PTGER3: variants seen among roughly 807,000 people sequenced by gnomAD.
The protein encoded by PTGER3 is prostaglandin E2 receptor EP3 subtype.
In PTGER3, 22 loss-of-function variants were observed where a neutral mutation model predicts 34.7. The ratio of observed to expected loss-of-function variants is 0.63; its 90% CI spans 0.45 to 0.91. The LOEUF (loss-of-function observed/expected upper bound fraction) is 0.91. Among genes scored for constraint, PTGER3 ranks in the 40% least tolerant of loss-of-function variants. The probability of loss-of-function intolerance (pLI) is 0.00; values close to 1 mark genes in which losing one functional copy is unlikely to be tolerated. For synonymous variants in PTGER3, 241 were observed against 230.1 expected (o/e 1.05, Z -0.43); for missense variants, 468 against 519.4 (o/e 0.90, Z 0.96).
intron 4 of PTGER3, among the ~76,000 whole-genome samples, chr1:70,914,672 A>AGATACC (rs780263382): frequency 2.8e-4 from 43 of 151,968 alleles, no homozygotes; most frequent in Non-Finnish European, 4.9e-4. Flanking sequence ...CTGAGGTGCA[A>AGATACC]TACCTAGAGA....
intron 4 of PTGER3, among the ~76,000 whole-genome samples, chr1:70,934,051 A>G (rs897902918): frequency 4.6e-5 from 7 of 152,162 alleles, no homozygotes; most frequent in African/African-American, 1.7e-4. Flanking sequence ...TCTCACAATT[A>G]TAATAACAGC....
At chr1:70,881,316 A>G (rs917801379) in intron 4 of PTGER3, among the ~76,000 whole-genome samples, 8 of 151,928 alleles carry the variant, frequency 5.3e-5, no homozygotes, top group African/African-American at 1.9e-4. Flanking sequence ...GTATTGTTTT[A>G]TTACATTCTT....
rs531525509 is a variant in PTGER3 at position 71,039,554 on chromosome 1, G to A, written c.897+7127C>T. On this transcript the variant is annotated intron_variant, in intron 1 of 3. Coordinates refer to ENST00000306666, the MANE Select transcript of PTGER3 (RefSeq NM_198719.2). ...AGTCCCAGCTACTCGGGAGGCTGAG[G>A]CAGGAGAATGGCATGAACCCGGGAG... 6.5e-3 allele frequency among the ~76,000 whole-genome samples: 976 copies of A among 149,932 alleles called. 5 individuals are homozygous for A. Among genetic ancestry groups the A allele is most frequent in the South Asian group, 0.012 (59 of 4,754 alleles).
At chr1:70,931,774 C>A (rs931186116) in intron 4 of PTGER3, among the ~76,000 whole-genome samples, 2 of 152,126 alleles carry the variant, frequency 1.3e-5, no homozygotes, top group African/African-American at 4.8e-5. Flanking sequence ...ACTGTTTTTT[C>A]CTCCTAGGCT....
intron 2 of PTGER3, among the ~76,000 whole-genome samples, chr1:70,977,400 T>C (rs3819788): frequency 0.61 from 92,691 of 151,394 alleles, 28,566 homozygotes; most frequent in Middle Eastern, 0.65. Flanking sequence ...CCTTCCAGAA[T>C]GACCCAGCTG....
intron 4 of PTGER3, among the ~76,000 whole-genome samples, chr1:70,946,440 T>C (rs919418888): frequency 6.6e-6 from 1 of 152,114 alleles, no homozygotes; most frequent in Non-Finnish European, 1.5e-5. Context: ...GGTTCTACAG[T>C]GCGTGCTCTT....
chr1:70,935,295 A>G (rs1043727696), intron 4 of PTGER3, among the ~76,000 whole-genome samples: 1 of 152,134 alleles, frequency 6.6e-6, no homozygotes, highest in African/African-American at 2.4e-5. Flanking sequence ...ATATTCTTTA[A>G]CCTCCTCTAA....
At chr1:70,867,104 A>C (rs547099663) in intron 4 of PTGER3, among the ~76,000 whole-genome samples, 1 of 152,316 alleles carries the variant, frequency 6.6e-6, no homozygotes, top group East Asian at 1.9e-4. Context: ...CTGTTTCCTG[A>C]ATAGACCACA....
chr1:70,996,209 GT>G (rs1557724366), intron 2 of PTGER3, among the ~76,000 whole-genome samples: 1 of 151,964 alleles, frequency 6.6e-6, no homozygotes, highest in East Asian at 1.9e-4. Context: ...TGAGTGTCTG[GT>G]TTTTTGTGCT....
Position 71,047,191 on chromosome 1 carries a change from G to C in PTGER3, c.387C>G (p.Leu129=). 6.3e-7 allele frequency: 1 copy of C among 1,598,998 alleles called. No individual in the cohort carries two copies. Among genetic ancestry groups the C allele is most frequent in the East Asian group, 2.3e-5 (1 of 44,086 alleles). Residue 129 remains leucine (L), a synonymous_variant, in exon 1 of 4, where the codon CTC becomes CTG. Coordinates refer to ENST00000306666, the MANE Select transcript of PTGER3 (RefSeq NM_198719.2). ...RWEHIDPSGR[L]CTFFGLTMTV... Reference sequence around the variant, plus strand: ...TCATGGTCAGCCCGAAAAAGGTGCAGAGCCGCCCCGACGGGTCGATGTGCT... The same window carrying C: ...TCATGGTCAGCCCGAAAAAGGTGCACAGCCGCCCCGACGGGTCGATGTGCT...
intron 4 of PTGER3, chr1:70,884,055 C>T (rs1273240333): frequency 1.2e-5 from 5 of 401,922 alleles, no homozygotes; most frequent in Non-Finnish European, 2.5e-5. Context: ...CCACTGCACT[C>T]CAGTCTGGGT....
At chr1:70,927,687 G>T (rs2100478358) in intron 4 of PTGER3, among the ~76,000 whole-genome samples, 1 of 152,224 alleles carries the variant, frequency 6.6e-6, no homozygotes, top group South Asian at 2.1e-4. Context: ...AAGTAAAAAA[G>T]GAGAAGAGAG....
chr1:70,923,016 G>T (rs1035766817), intron 4 of PTGER3, among the ~76,000 whole-genome samples: 1 of 152,038 alleles, frequency 6.6e-6, no homozygotes, highest in Non-Finnish European at 1.5e-5. Flanking sequence ...AATTGTAAAG[G>T]CTTATAAAAG....
intron 2 of PTGER3, among the ~76,000 whole-genome samples, chr1:70,982,615 T>C (rs1267113142): frequency 2.0e-5 from 3 of 152,168 alleles, no homozygotes; most frequent in Non-Finnish European, 4.4e-5. Context: ...AGACAAACAT[T>C]TATTTCATGG....
At chr1:70,871,286 C>T (rs1392303772) in intron 4 of PTGER3, among the ~76,000 whole-genome samples, 2 of 152,162 alleles carry the variant, frequency 1.3e-5, no homozygotes, top group Non-Finnish European at 2.9e-5. Context: ...TGCCACACTT[C>T]GCAGCAACCA....
Position 70,983,511 on chromosome 1 carries a change from C to G in PTGER3, c.1078-9123G>C, listed in dbSNP as rs114834091. ...TAATATTTTCAACAAGACTCAAGCT[C>G]TTTGAAATCACAGACTGTATCATAA... is the stretch of plus-strand genomic sequence containing the variant. On this transcript the variant is annotated intron_variant, in intron 2 of 3. Coordinates refer to ENST00000306666, the MANE Select transcript of PTGER3 (RefSeq NM_198719.2). Among the ~76,000 whole-genome samples the G allele has an allele frequency of 1.7e-3, 260 of 152,256 alleles. 1 individual carries two copies. The highest frequency in any genetic ancestry group is 6.1e-3 in the African/African-American group (253 of 41,538).
chr1:70,860,585 A>AT (rs980228190), intron 4 of PTGER3, among the ~76,000 whole-genome samples: 2 of 152,186 alleles, frequency 1.3e-5, no homozygotes, highest in African/African-American at 4.8e-5. Context: ...GTTTGGTGAC[A>AT]TTTTTGTGAG....
At chr1:70,916,272 A>T (rs1647174279) in intron 4 of PTGER3, among the ~76,000 whole-genome samples, 1 of 152,048 alleles carries the variant, frequency 6.6e-6, no homozygotes, top group Non-Finnish European at 1.5e-5. Context: ...GAACAATTAT[A>T]CACTGTGAGT....
Position 70,894,092 on chromosome 1 carries a change from A to T in PTGER3, c.*24-41233T>A, listed in dbSNP as rs1646674326. On this transcript the variant is annotated intron_variant, in intron 4 of 4. Transcript: ENST00000370931. ...GGAGGCCAAGGTGGGTGGATCACCT[A>T]AATTCAGGATTTCTAGACCAGCCTG... Among the ~76,000 whole-genome samples the T allele has an allele frequency of 2.0e-5, 3 of 152,034 alleles. No individual in the cohort carries two copies. In the South Asian group the frequency reaches 6.2e-4, roughly 31 times the overall value.
Sources: gnomAD v4.1 joint callset for allele counts (sites outside exome capture counted in the v4.1 genomes callset) on GRCh38, gnomAD v4.1.1 for gene constraint, MANE v1.5 for transcripts, NCBI Gene and HGNC (gene_info 2026-07-23, HGNC 2026-07-21) for gene names.